The following WAC variants were observed in gnomAD, a reference collection of about 807,000 sequenced individuals.
WAC encodes WW domain-containing adapter protein with coiled-coil.
In WAC, 11 loss-of-function variants were observed where a neutral mutation model predicts 79.6. The observed-to-expected ratio is 0.14, with a 90% CI of 0.09 to 0.23. WAC has a LOEUF of 0.23. WAC is among the 10% of genes least tolerant of loss of function. WAC has a pLI of 1.00. For missense variants in WAC, 728 were observed against 773.5 expected, an observed-to-expected ratio of 0.94 and a Z score of 0.70; for synonymous variants, 304 against 276.9, an observed-to-expected ratio of 1.10 and a Z score of -0.97.
Position 28,616,211 on chromosome 10 carries a change from C to G in WAC, c.1595C>G (p.Ser532Cys). ...CCATCACCTGGTCCCAATCATACTT[C>G]TAATAGTAGTAATGCATCAAATGCA... Reference protein sequence around the residue: ...RSPSPGPNHTSNSSNASNATV... With the variant: ...RSPSPGPNHTCNSSNASNATV... The change falls in exon 12 of 14, where the codon TCT becomes TGT. Residue 532 changes from serine to cysteine, a missense_variant. Ser to Cys is a moderately radical substitution (Grantham distance 112). Around this residue, in one of 3 missense-constraint regions of WAC, gnomAD observed 648 missense variants for 661.5 expected, o/e 0.98. Transcript: ENST00000354911. 6.2e-7 allele frequency: 1 copy of G among 1,612,288 alleles called. No homozygotes were observed. The highest frequency in any genetic ancestry group is 2.2e-5 in the East Asian group (1 of 44,842).
In WAC at chr10:28,533,538, G is replaced by C; in HGVS notation, c.-42G>C. ...GCGCGCCCGCCCGCCTTTCGCGGCC[G>C]CTCTCCCCCCTCCCCGACACACACT... On this transcript the variant is annotated 5_prime_UTR_variant, in exon 1 of 14. Transcript: ENST00000354911. 7.8e-7 allele frequency: 1 copy of C among 1,274,526 alleles called. No homozygotes were observed. The highest frequency in any genetic ancestry group is 1.0e-6 in the Non-Finnish European group (1 of 982,092). The allele number at this position is 1,274,526 out of a possible 1,614,324, so 79.0% of individuals were successfully genotyped here. A position where few individuals can be genotyped will look rare whatever the true frequency, so the allele number is the denominator to read the frequency against.
At position 28,610,913 on chromosome 10, in the gene WAC, T is replaced by A. The variant is rs943760457; in HGVS notation, c.1288+92T>A. ...TTTTTGTATTTAGTTTTTTCTTTCA[T>A]TTTTTTTTTTAGTTTTTTAAGAGAT... On this transcript the variant is annotated intron_variant, in intron 9 of 13. Coordinates refer to ENST00000354911, the MANE Select transcript of WAC (RefSeq NM_016628.5). 2.3e-5 allele frequency: 22 copies of A among 945,414 alleles called. No individual in the cohort carries two copies. The African/African-American group carries it at 8.1e-4, about 35-fold the overall frequency. 58.6% of individuals were successfully genotyped at this position (945,414 alleles called of 1,614,324 possible). A position where few individuals can be genotyped will look rare whatever the true frequency, so the allele number is the denominator to read the frequency against.
intron 10 of WAC, among the ~76,000 whole-genome samples, chr10:28,613,872 T>C (rs1421358152): frequency 6.6e-6 from 1 of 152,212 alleles, no homozygotes; most frequent in Non-Finnish European, 1.5e-5. Flanking sequence ...TGGACTTCAG[T>C]CTACCTCTGT....
chr10:28,605,406 T>G lies in WAC; in HGVS notation c.920-2780T>G, dbSNP rs1001299824. On this transcript the variant is annotated intron_variant, in intron 7 of 13. Coordinates refer to ENST00000354911, the MANE Select transcript of WAC (RefSeq NM_016628.5). ...TTGTTTTGTTTTTTAACTTTAGAAG[T>G]GATTCCGATGAGCAGTCTGTTGAGG... Among the ~76,000 whole-genome samples, 3 of 152,204 alleles carry G rather than the reference T, an allele frequency of 2.0e-5. No homozygotes were observed. The East Asian group carries it at 5.8e-4, about 29-fold the overall frequency.
At chr10:28,604,599 G>A (rs947152321) in intron 7 of WAC, among the ~76,000 whole-genome samples, 3 of 152,104 alleles carry the variant, frequency 2.0e-5, no homozygotes, top group African/African-American at 7.2e-5. Flanking sequence ...TGGGTGTGGT[G>A]GCATGCACCT....
At chr10:28,599,444 G>A (rs1043843441) in intron 7 of WAC, among the ~76,000 whole-genome samples, 2 of 152,146 alleles carry the variant, frequency 1.3e-5, no homozygotes, top group African/African-American at 4.8e-5. Context: ...TGTAAATGTT[G>A]GATGGATGCC....
rs775722405 is a variant in WAC, at chr10:28,603,979, A to ATGTG, written c.920-4206_920-4205insGTGT. Among the ~76,000 whole-genome samples the ATGTG allele has an allele frequency of 7.0e-3, 469 of 66,722 alleles. 80 individuals are homozygous for ATGTG. Among genetic ancestry groups the ATGTG allele is most frequent in the African/African-American group, 0.029 (450 of 15,490 alleles). 43.8% of individuals were successfully genotyped at this position (66,722 alleles called of 152,430 possible). On this transcript the variant is annotated intron_variant, in intron 7 of 13. Coordinates refer to ENST00000354911, the MANE Select transcript of WAC (RefSeq NM_016628.5). ...TATGTATGTATATATATATATATAT[A>ATGTG]TATATATATGTATATATATATATAT...
intron 7 of WAC, among the ~76,000 whole-genome samples, chr10:28,605,811 G>T (rs1289635918): frequency 3.3e-5 from 5 of 152,056 alleles, no homozygotes; most frequent in African/African-American, 1.2e-4. Context: ...ACTTGTTTCT[G>T]TTAAAAGCAG....
At chr10:28,595,515 T>C (rs1242142403) in intron 6 of WAC, among the ~76,000 whole-genome samples, 1 of 152,100 alleles carries the variant, frequency 6.6e-6, no homozygotes, top group Non-Finnish European at 1.5e-5. Context: ...TAGATGAATA[T>C]TTATAGTTGA....
chr10:28,540,170 A>G (rs1314132945), intron 3 of WAC, among the ~76,000 whole-genome samples: 2 of 152,238 alleles, frequency 1.3e-5, no homozygotes, highest in African/African-American at 4.8e-5. Context: ...ACAAATTAAC[A>G]GTCGCTTTTG....
Position 28,563,744 on chromosome 10 carries a change from C to CTTTTTTTTTTTT in WAC, c.275-19637_275-19626dup. The stretch of plus-strand genomic sequence containing the variant: ...ACAAGTGCATGCTGCCTACACCCAG[C>CTTTTTTTTTTTT]TTTTTTTTTTTTTTTTTTTTTTTTT... On this transcript the variant is annotated intron_variant, in intron 3 of 13. Transcript: ENST00000354911. 6.7e-3 allele frequency among the ~76,000 whole-genome samples: 457 copies of CTTTTTTTTTTTT among 67,882 alleles called. 35 individuals carry two copies. The highest frequency in any genetic ancestry group is 0.013 in the East Asian group (13 of 1,040). The allele number at this position is 67,882 out of a possible 152,430, so 44.5% of individuals were successfully genotyped here.
At chr10:28,610,857 A>T in intron 9 of WAC, 36 bp downstream of exon 9, 1 of 1,529,106 alleles carries the variant, frequency 6.5e-7, no homozygotes, top group Non-Finnish European at 8.7e-7. Context: ...CTAGAATGGC[A>T]TCTTGATTTT....
intron 7 of WAC, among the ~76,000 whole-genome samples, chr10:28,606,620 A>T (rs1024593894): frequency 2.0e-5 from 3 of 152,180 alleles, no homozygotes; most frequent in Non-Finnish European, 4.4e-5. Context: ...GTGTAAAAAG[A>T]CTCATAGGGG....
intron 3 of WAC, among the ~76,000 whole-genome samples, chr10:28,543,872 G>GT (rs138444776): frequency 0.17 from 26,602 of 152,054 alleles, 2,910 homozygotes; most frequent in Non-Finnish European, 0.25. Flanking sequence ...CCTTTGTTTT[G>GT]TTTTTTGTTG....
At chr10:28,547,762 C>G (rs1404183484) in intron 3 of WAC, among the ~76,000 whole-genome samples, 5 of 151,972 alleles carry the variant, frequency 3.3e-5, no homozygotes, top group Admixed American at 2.6e-4. Context: ...CTAATTTACT[C>G]TCCTACCCAG....
At chr10:28,548,046 G>C (rs1362890565) in intron 3 of WAC, among the ~76,000 whole-genome samples, 1 of 150,912 alleles carries the variant, frequency 6.6e-6, no homozygotes, top group African/African-American at 2.4e-5. Context: ...TCAGCCTCCC[G>C]AGTAGCTGGG....
chr10:28,617,544 G>A lies in WAC; in HGVS notation c.1747-113G>A, dbSNP rs374430579. ...TTCACCAGCATTTTTGTGTATTGAA[G>A]GGAAAAGGATTATTCTCTAATCCTA... On this transcript the variant is annotated intron_variant, in intron 12 of 13. Coordinates refer to ENST00000354911, the MANE Select transcript of WAC (RefSeq NM_016628.5). 3.2e-5 allele frequency: 32 copies of A among 1,010,432 alleles called. 1 individual carries two copies. Among genetic ancestry groups the A allele is most frequent in the Middle Eastern group, 6.8e-4 (2 of 2,922 alleles). The allele number at this position is 1,010,432 out of a possible 1,614,324, so 62.6% of individuals were successfully genotyped here.
intron 4 of WAC, among the ~76,000 whole-genome samples, chr10:28,584,803 T>C (rs1004025814): frequency 6.6e-6 from 1 of 152,184 alleles, no homozygotes; most frequent in East Asian, 1.9e-4. Context: ...TAGAAAATTA[T>C]ACTATTGGCC....
At chr10:28,563,839 A>T (rs1338538275) in intron 3 of WAC, among the ~76,000 whole-genome samples, 4 of 142,528 alleles carry the variant, frequency 2.8e-5, no homozygotes, top group African/African-American at 8.0e-5. Flanking sequence ...TGACCTCGTG[A>T]TCCGCTGCCT....
Sources: gnomAD v4.1 joint callset for allele counts (sites outside exome capture counted in the v4.1 genomes callset) on GRCh38, gnomAD v4.1.1 for gene constraint, gnomAD v4.1.1 regional missense constraint, MANE v1.5 for transcripts, NCBI Gene and HGNC (gene_info 2026-07-23, HGNC 2026-07-21) for gene names.